LRRC37A: variants seen among roughly 807,000 people sequenced by gnomAD.
LRRC37A encodes the protein leucine rich repeat containing 37A, also known as leucine-rich repeat-containing protein 37A.
Under a neutral mutation model 35.4 loss-of-function variants are expected in LRRC37A, and 3 were observed. The ratio of observed to expected loss-of-function variants is 0.08; its 90% CI spans 0.04 to 0.22. The LOEUF (loss-of-function observed/expected upper bound fraction) is 0.22. Ranked by LOEUF, LRRC37A falls within the 10% of genes least tolerant of loss-of-function variation. The pLI, the probability that LRRC37A is intolerant of heterozygous loss-of-function variation, is 1.00. For missense variants in LRRC37A, 67 were observed against 565.3 expected, an observed-to-expected ratio of 0.12 and a Z score of 8.94; for synonymous variants, 23 against 215.0, an observed-to-expected ratio of 0.11 and a Z score of 7.81.
chr17:46,255,062 C>T, the LRRC37A span, among the ~76,000 whole-genome samples: 1 of 152,104 alleles, frequency 6.6e-6, no homozygotes, highest in African/African-American at 2.4e-5. Context: ...TCTCAAACTC[C>T]CGACTTCAGG....
chr17:46,288,170 C>CTTTTT (rs2049968985), upstream of LRRC37A, among the ~76,000 whole-genome samples: 1 of 151,942 alleles, frequency 6.6e-6, no homozygotes, highest in Non-Finnish European at 1.5e-5. Flanking sequence ...TTTCTTTTGT[C>CTTTTT]TCGCTGTATA....
the LRRC37A span, among the ~76,000 whole-genome samples, chr17:46,278,403 T>C: frequency 7.1e-6 from 1 of 140,914 alleles, no homozygotes; most frequent in East Asian, 2.0e-4. Flanking sequence ...TTTATTTTGT[T>C]TTTTTTTTGT....
chr17:46,259,019 ATTTTT>A, the LRRC37A span, among the ~76,000 whole-genome samples: 764 of 79,228 alleles, frequency 9.6e-3, 9 homozygotes, highest in African/African-American at 0.044. Context: ...CACCCGGCCT[ATTTTT>A]TTTTTTTTTT....
the LRRC37A span, among the ~76,000 whole-genome samples, chr17:46,283,470 C>A: frequency 6.6e-6 from 1 of 152,236 alleles, no homozygotes; most frequent in African/African-American, 2.4e-5. Context: ...TGAGTCACTA[C>A]ATCAATGAAC....
chr17:46,280,060 G>GT, the LRRC37A span, among the ~76,000 whole-genome samples: 16,669 of 149,126 alleles, frequency 0.11, no homozygotes, highest in Non-Finnish European at 0.17. Context: ...TGAACCTCTT[G>GT]TTTTCTGAAC....
At chr17:46,284,819 G>A in the LRRC37A span, among the ~76,000 whole-genome samples, 7 of 152,220 alleles carry the variant, frequency 4.6e-5, no homozygotes, top group African/African-American at 1.7e-4. Context: ...CAATTCTTGT[G>A]ATTATGATAA....
the LRRC37A span, among the ~76,000 whole-genome samples, chr17:46,257,255 T>C: frequency 7.2e-5 from 11 of 151,894 alleles, no homozygotes; most frequent in African/African-American, 2.7e-4. Flanking sequence ...AAGACCAGAC[T>C]GGCCAACATG....
the LRRC37A span, chr17:46,268,556 T>C: frequency 6.7e-7 from 1 of 1,502,750 alleles, no homozygotes; most frequent in East Asian, 2.6e-5. Flanking sequence ...GGCAGCTTCC[T>C]ACAGCTCTGC....
At chr17:46,263,139 G>T in the LRRC37A span, among the ~76,000 whole-genome samples, 1 of 152,272 alleles carries the variant, frequency 6.6e-6, no homozygotes, top group South Asian at 2.1e-4. Flanking sequence ...CCTGAGTCCC[G>T]CGAGGTCAAG....
the LRRC37A span, among the ~76,000 whole-genome samples, chr17:46,262,378 TC>T: frequency 0.13 from 19,356 of 151,702 alleles, no homozygotes; most frequent in Middle Eastern, 0.2. Flanking sequence ...TTCTTCTTCT[TC>T]TTCTTTTTTA....
the LRRC37A span, among the ~76,000 whole-genome samples, chr17:46,282,376 T>G: frequency 6.6e-6 from 1 of 152,130 alleles, no homozygotes; most frequent in Non-Finnish European, 1.5e-5. Flanking sequence ...GTGCTGGGAT[T>G]ACAGGCGTGA....
chr17:46,287,818 G>A (rs79524601), upstream of LRRC37A, among the ~76,000 whole-genome samples: 6,370 of 128,850 alleles, frequency 0.049, no homozygotes, highest in Non-Finnish European at 0.081. Flanking sequence ...GCAAGGCGGA[G>A]CTGTGTAAGT....
At chr17:46,271,781 A>G in the LRRC37A span, among the ~76,000 whole-genome samples, 2 of 151,770 alleles carry the variant, frequency 1.3e-5, no homozygotes, top group African/African-American at 4.8e-5. Context: ...TTTTTTTTTG[A>G]GACAGAGTCT....
chr17:46,323,802 G>A lies in LRRC37A; in HGVS notation c.3053+775G>A, dbSNP rs1357603513. On this transcript the variant is annotated intron_variant, in intron 7 of 13. Transcript: ENST00000320254. ...CAGGTTCCTCATCCATAGATTCAAC[G>A]AACCATGGATGGAGAATATTTGGAA... Among the ~76,000 whole-genome samples, 7 of 101,624 alleles carry A rather than the reference G, an allele frequency of 6.9e-5. 2 individuals are homozygous for A. Among genetic ancestry groups the A allele is most frequent in the Admixed American group, 2.0e-4 (2 of 10,222 alleles). The allele number at this position is 101,624 out of a possible 152,430, so 66.7% of individuals were successfully genotyped here.
the LRRC37A span, among the ~76,000 whole-genome samples, chr17:46,275,814 CA>C: frequency 1.3e-5 from 2 of 151,510 alleles, no homozygotes; most frequent in Non-Finnish European, 2.9e-5. Context: ...TATGCTAAAA[CA>C]AAAGAAAAAG....
chr17:46,260,328 C>G, the LRRC37A span: 3 of 1,517,246 alleles, frequency 2.0e-6, no homozygotes, highest in East Asian at 2.5e-5. Flanking sequence ...TGCGAAGCCG[C>G]GGTTCAGGCC....
upstream of LRRC37A, among the ~76,000 whole-genome samples, chr17:46,291,502 C>T (rs1247764236): frequency 1.3e-5 from 2 of 149,016 alleles, no homozygotes; most frequent in East Asian, 3.9e-4. Context: ...TGATAGGCTC[C>T]CTGCTGGAAG....
the LRRC37A span, among the ~76,000 whole-genome samples, chr17:46,284,177 G>A: frequency 5.3e-5 from 8 of 152,340 alleles, no homozygotes; most frequent in Admixed American, 1.3e-4. Context: ...GTGTCAGGCT[G>A]GGGGACGGTC....
the LRRC37A span, among the ~76,000 whole-genome samples, chr17:46,249,966 G>A: frequency 1.6e-4 from 25 of 152,260 alleles, no homozygotes; most frequent in East Asian, 2.5e-3. Context: ...CACCATGCCC[G>A]ACTAGTTCTT....
Sources: gnomAD v4.1 joint callset for allele counts (sites outside exome capture counted in the v4.1 genomes callset) on GRCh38, gnomAD v4.1.1 for gene constraint, MANE v1.5 for transcripts, NCBI Gene and HGNC (gene_info 2026-07-23, HGNC 2026-07-21) for gene names.